The following LRP6 variants were observed in gnomAD, a reference collection of about 807,000 sequenced individuals.
LRP6 encodes the protein LDL receptor related protein 6, also known as low-density lipoprotein receptor-related protein 6.
In LRP6, 43 loss-of-function variants were observed where a neutral mutation model predicts 184.1. The ratio of observed to expected loss-of-function variants is 0.23; its 90% CI spans 0.18 to 0.30. LRP6 has a LOEUF of 0.30. Ranked by LOEUF, LRP6 falls within the 10% of genes least tolerant of loss-of-function variation. The probability of loss-of-function intolerance (pLI) is 1.00; values close to 1 mark genes in which losing one functional copy is unlikely to be tolerated. For missense variants in LRP6, 1,571 were observed against 2,005.3 expected (o/e 0.78, Z 4.14); for synonymous variants, 719 against 684.9 (o/e 1.05, Z -0.78).
chr12:12,244,759 TAAGAA>T (rs1865144816), intron 1 of LRP6, 104 bp from the exon 2 acceptor site: 1 of 1,015,282 alleles, frequency 9.8e-7, no homozygotes, highest in Admixed American at 2.5e-5. Context: ...CTGTCGAAAA[TAAGAA>T]AAGAATAAAT....
At chr12:12,237,915 T>C (rs1207566637) in intron 2 of LRP6, among the ~76,000 whole-genome samples, 2 of 152,352 alleles carry the variant, frequency 1.3e-5, no homozygotes, top group East Asian at 3.9e-4. Flanking sequence ...GTTAACAGTA[T>C]TCTATCAACA....
At chr12:12,183,921 C>G (rs1863403965) in intron 5 of LRP6, 59 bp downstream of exon 5, 5 of 1,525,370 alleles carry the variant, frequency 3.3e-6, no homozygotes, top group Middle Eastern at 1.9e-4. Flanking sequence ...ATAGAGAAAA[C>G]AAATCATGAA....
In LRP6 at chr12:12,165,208, C is replaced by T; in HGVS notation, c.1633G>A (p.Val545Ile). The T allele has an allele frequency of 6.2e-7, 1 of 1,614,134 alleles. No homozygotes were observed. Among genetic ancestry groups the T allele is most frequent in the East Asian group, 2.2e-5 (1 of 44,882 alleles). The change falls in exon 8 of 23, where the codon GTT (valine) becomes ATT (isoleucine). Residue 545 changes from valine to isoleucine, a missense_variant. By Grantham distance (29) the Val-to-Ile change is conservative. This residue lies in a region of LRP6 where 640 missense variants were observed against 851.9 expected (regional missense o/e 0.75). Coordinates refer to ENST00000261349, the MANE Select transcript of LRP6 (RefSeq NM_002336.3). Reference protein sequence around the residue: ...IFGFTLLGDYVYWTDWQRRSI... With the variant: ...IFGFTLLGDYIYWTDWQRRSI... ...CGCCTCTGCCAGTCAGTCCAGTAAA[C>T]ATAGTCACCCAACAAAGTAAATCCA...
chr12:12,188,202 C>T (rs550041771), intron 3 of LRP6, among the ~76,000 whole-genome samples: 37 of 139,086 alleles, frequency 2.7e-4, no homozygotes, highest in African/African-American at 1.0e-3. Flanking sequence ...CAGAGCGAGA[C>T]TCATCTCAAA....
chr12:12,184,991 C>T (rs867905150), intron 4 of LRP6, among the ~76,000 whole-genome samples: 3 of 151,902 alleles, frequency 2.0e-5, no homozygotes, highest in Admixed American at 6.6e-5. Context: ...ACCAACAATG[C>T]CATTTAAAAA....
chr12:12,255,538 G>C (rs984074397), intron 1 of LRP6, among the ~76,000 whole-genome samples: 1 of 146,708 alleles, frequency 6.8e-6, no homozygotes, highest in Non-Finnish European at 1.5e-5. Flanking sequence ...CCTAAGTCTA[G>C]CTTTGTTTTT....
At chr12:12,138,754 G>T (rs1202095038) in intron 15 of LRP6, 7 of 1,493,722 alleles carry the variant, frequency 4.7e-6, no homozygotes, top group Non-Finnish European at 6.3e-6. Context: ...TGCCCAATGT[G>T]CAGTAAATAT....
At position 12,261,213 on chromosome 12, in the gene LRP6, G is replaced by A. The variant is rs543519037; in HGVS notation, c.55+5468C>T. 1.2e-4 allele frequency among the ~76,000 whole-genome samples: 18 copies of A among 152,288 alleles called. No homozygotes were observed. In the South Asian group the frequency reaches 3.5e-3, roughly 30 times the overall value. ...AGGCGGGCGGATCACGAGATCAGGAGATCGAGACCATCCTGGCTAACACGG... is the reference window on the plus strand; with the variant it reads ...AGGCGGGCGGATCACGAGATCAGGAAATCGAGACCATCCTGGCTAACACGG... On this transcript the variant is annotated intron_variant, in intron 1 of 22. Transcript: ENST00000261349.
intron 1 of LRP6, among the ~76,000 whole-genome samples, chr12:12,252,583 T>G (rs1865350138): frequency 6.6e-6 from 1 of 152,220 alleles, no homozygotes; most frequent in African/African-American, 2.4e-5. Flanking sequence ...TAATCAGAGT[T>G]CTGGTGCTGC....
intron 21 of LRP6, among the ~76,000 whole-genome samples, chr12:12,124,868 A>G (rs932052209): frequency 6.6e-6 from 1 of 152,212 alleles, no homozygotes; most frequent in East Asian, 1.9e-4. Context: ...TAAAAAGTGC[A>G]AAGTGACAAA....
chr12:12,161,878 G>A (rs1429295128), intron 10 of LRP6, among the ~76,000 whole-genome samples: 1 of 151,976 alleles, frequency 6.6e-6, no homozygotes, highest in Non-Finnish European at 1.5e-5. Flanking sequence ...AACTGGGAAG[G>A]AGTGCAAGCA....
At chr12:12,192,413 A>AT (rs1863642608) in intron 3 of LRP6, among the ~76,000 whole-genome samples, 1 of 151,954 alleles carries the variant, frequency 6.6e-6, no homozygotes, top group Non-Finnish European at 1.5e-5. Context: ...AATGTCAGAC[A>AT]TAAGCCCAAC....
rs775246341 is a variant in LRP6 at position 12,124,712 on chromosome 12, C to G, written c.4450-50G>C. 3.4e-6 allele frequency: 4 copies of G among 1,179,782 alleles called. No individual in the cohort carries two copies. In the South Asian group the frequency reaches 5.3e-5, roughly 15 times the overall value. The allele number at this position is 1,179,782 out of a possible 1,614,324, so 73.1% of individuals were successfully genotyped here. A position where few individuals can be genotyped will look rare whatever the true frequency, so the allele number is the denominator to read the frequency against. On this transcript the variant is annotated intron_variant, in intron 21 of 22. Transcript: ENST00000261349. ...ATTAAAATAACAACATAGAAACTAT[C>G]AGACTTTCTTTCAACTTTTCTTCCT...
At chr12:12,259,719 T>G (rs1865565356) in intron 1 of LRP6, among the ~76,000 whole-genome samples, 1 of 152,216 alleles carries the variant, frequency 6.6e-6, no homozygotes, top group South Asian at 2.1e-4. Context: ...ATAAATAATT[T>G]TAAGAGCAAA....
chr12:12,166,565 T>C (rs1369823339), intron 7 of LRP6, among the ~76,000 whole-genome samples: 1 of 152,246 alleles, frequency 6.6e-6, no homozygotes, highest in Admixed American at 6.5e-5. Context: ...TTACATTTAA[T>C]AAATTACGCT....
chr12:12,185,495 A>G (rs1219236744), intron 4 of LRP6, among the ~76,000 whole-genome samples: 1 of 152,208 alleles, frequency 6.6e-6, no homozygotes, highest in Admixed American at 6.5e-5. Context: ...ATAAAGCAAC[A>G]TATGTTGCAA....
At chr12:12,226,003 T>A (rs1864613969) in intron 2 of LRP6, among the ~76,000 whole-genome samples, 1 of 151,942 alleles carries the variant, frequency 6.6e-6, no homozygotes, top group Non-Finnish European at 1.5e-5. Context: ...CTAACCAACC[T>A]GGGGGAAGGA....
chr12:12,261,622 T>C (rs1392625986), intron 1 of LRP6, among the ~76,000 whole-genome samples: 1 of 152,196 alleles, frequency 6.6e-6, no homozygotes, highest in Non-Finnish European at 1.5e-5. Flanking sequence ...AATAATAGGT[T>C]AAACAAAGTT....
intron 1 of LRP6, among the ~76,000 whole-genome samples, chr12:12,260,257 A>T (rs539619734): frequency 6.6e-6 from 1 of 152,056 alleles, no homozygotes; most frequent in Admixed American, 6.6e-5. Context: ...CGGGGCCTGC[A>T]GTCCCAGCTA....
Sources: allele counts gnomAD v4.1 joint callset (sites outside exome capture counted in the v4.1 genomes callset), GRCh38; gene constraint gnomAD v4.1.1; regional missense constraint gnomAD v4.1.1; transcripts MANE v1.5; gene names NCBI Gene and HGNC (gene_info 2026-07-23, HGNC 2026-07-21).